The following TXNDC8 variants were observed in gnomAD, a reference collection of about 807,000 sequenced individuals.
TXNDC8 encodes thioredoxin domain-containing protein 8.
Under a neutral mutation model 12.9 loss-of-function variants are expected in TXNDC8, and 15 were observed. The ratio of observed to expected loss-of-function variants is 1.16; its 90% CI spans 0.78 to 1.79. The LOEUF is 1.79. Among genes scored for constraint, TXNDC8 ranks in the 40% most tolerant of loss-of-function variants. The pLI is 0.00. For missense variants in TXNDC8, 128 were observed against 113.2 expected (o/e 1.13, Z -0.59); for synonymous variants, 40 against 35.4 (o/e 1.13, Z -0.46).
intron 3 of TXNDC8, among the ~76,000 whole-genome samples, chr9:110,311,705 T>A (rs1838691409): frequency 7.3e-6 from 1 of 137,348 alleles, no homozygotes; most frequent in African/African-American, 2.8e-5. Flanking sequence ...TACATGGATA[T>A]ACTATATTAC....
chr9:110,330,981 TG>T (rs1839523157), intron 2 of TXNDC8, among the ~76,000 whole-genome samples: 1 of 152,190 alleles, frequency 6.6e-6, no homozygotes, highest in Admixed American at 6.5e-5. Flanking sequence ...TTAGTTTTTG[TG>T]TGTCTGAAAA....
At chr9:110,325,513 C>CT (rs201113003) in intron 3 of TXNDC8, among the ~76,000 whole-genome samples, 4,080 of 117,502 alleles carry the variant, frequency 0.035, 171 homozygotes, top group African/African-American at 0.065. Context: ...CTTGTATACA[C>CT]TTTTTTTTTT....
chr9:110,319,669 G>A (rs1198509421), intron 3 of TXNDC8, among the ~76,000 whole-genome samples: 2 of 152,190 alleles, frequency 1.3e-5, no homozygotes, highest in African/African-American at 4.8e-5. Flanking sequence ...TTATGAAGTT[G>A]AACAGAGAGA....
chr9:110,315,681 A>T (rs1385919372), intron 3 of TXNDC8, among the ~76,000 whole-genome samples: 3 of 143,768 alleles, frequency 2.1e-5, no homozygotes, highest in South Asian at 2.2e-4. Context: ...TAATTTTTGT[A>T]TTTTTTTTTT....
intron 3 of TXNDC8, among the ~76,000 whole-genome samples, chr9:110,309,149 T>C (rs1838566970): frequency 6.6e-6 from 1 of 151,570 alleles, no homozygotes; most frequent in Non-Finnish European, 1.5e-5. Flanking sequence ...TTAATCTTGA[T>C]TTGGCTTGTC....
chr9:110,319,189 T>C (rs1487220143), intron 3 of TXNDC8, among the ~76,000 whole-genome samples: 1 of 152,188 alleles, frequency 6.6e-6, no homozygotes, highest in South Asian at 2.1e-4. Context: ...TTTCTTTTTT[T>C]CCTCATGCAG....
At chr9:110,309,031 T>C (rs1229130304) in intron 3 of TXNDC8, among the ~76,000 whole-genome samples, 1 of 152,150 alleles carries the variant, frequency 6.6e-6, no homozygotes, top group Non-Finnish European at 1.5e-5. Context: ...TTACAGGAAG[T>C]GGTCTTGGCT....
chr9:110,329,440 G>A, intron 2 of TXNDC8, 149 bp from the exon 3 acceptor site: 1 of 634,056 alleles, frequency 1.6e-6, no homozygotes, highest in Admixed American at 3.0e-5. Context: ...ACAGCCTAGA[G>A]CCTGAAGCAT....
intron 3 of TXNDC8, among the ~76,000 whole-genome samples, chr9:110,317,615 A>T (rs1464179752): frequency 6.6e-6 from 1 of 152,224 alleles, no homozygotes; most frequent in African/African-American, 2.4e-5. Flanking sequence ...TGCACAGGTA[A>T]GTTTCTTCTT....
intron 2 of TXNDC8, among the ~76,000 whole-genome samples, chr9:110,331,122 C>A (rs1839528612): frequency 6.6e-6 from 1 of 152,164 alleles, no homozygotes; most frequent in Admixed American, 6.6e-5. Flanking sequence ...GTTCTGGATG[C>A]AAATTTCATT....
intron 1 of TXNDC8, 66 bp downstream of exon 1, chr9:110,337,707 G>A: frequency 6.7e-7 from 1 of 1,500,672 alleles, no homozygotes; most frequent in South Asian, 1.1e-5. Context: ...CATTCTTAAA[G>A]TTTTTCAAAT....
At chr9:110,334,778 G>T (rs1363752593) in intron 1 of TXNDC8, among the ~76,000 whole-genome samples, 1 of 152,154 alleles carries the variant, frequency 6.6e-6, no homozygotes, top group Non-Finnish European at 1.5e-5. Flanking sequence ...TGCTGTTCAG[G>T]GTGGATATCT....
At chr9:110,329,819 C>T (rs551462013) in intron 2 of TXNDC8, among the ~76,000 whole-genome samples, 1 of 152,226 alleles carries the variant, frequency 6.6e-6, no homozygotes, top group South Asian at 2.1e-4. Context: ...CTCCTGTTGC[C>T]GTCTCTCTGT....
intron 2 of TXNDC8, among the ~76,000 whole-genome samples, chr9:110,327,202 A>G (rs1839356940): frequency 6.6e-6 from 1 of 152,226 alleles, no homozygotes; most frequent in Admixed American, 6.5e-5. Context: ...ACAGTTTGCC[A>G]CTTCCTCAGA....
At chr9:110,311,029 G>A (rs985661055) in intron 3 of TXNDC8, among the ~76,000 whole-genome samples, 2 of 152,188 alleles carry the variant, frequency 1.3e-5, no homozygotes, top group Non-Finnish European at 2.9e-5. Context: ...TACCATCTTT[G>A]TTTCAAAGCT....
chr9:110,307,107 T>A (rs1838499126), intron 3 of TXNDC8, among the ~76,000 whole-genome samples: 1 of 151,364 alleles, frequency 6.6e-6, no homozygotes, highest in African/African-American at 2.4e-5. Flanking sequence ...ACACTGGCTT[T>A]TTTTTTTTTT....
At chr9:110,336,152 A>G (rs1285213671) in intron 1 of TXNDC8, among the ~76,000 whole-genome samples, 1 of 152,198 alleles carries the variant, frequency 6.6e-6, no homozygotes, top group Non-Finnish European at 1.5e-5. Context: ...GCCATGTGGA[A>G]CCGTGAGTTC....
intron 3 of TXNDC8, among the ~76,000 whole-genome samples, chr9:110,304,934 G>A (rs1489842305): frequency 6.6e-6 from 1 of 152,080 alleles, no homozygotes; most frequent in African/African-American, 2.4e-5. Flanking sequence ...GGTCACTTGA[G>A]ATCAGGAGTT....
chr9:110,318,214 A>G lies in TXNDC8; in HGVS notation c.195+7961T>C, dbSNP rs574431439. Reference sequence around the variant, plus strand: ...GAGAGAGAGCATTCCTATGTGTCTGACAAGGAAAGACCTCAGAAGTCTCTG... The same window carrying G: ...GAGAGAGAGCATTCCTATGTGTCTGGCAAGGAAAGACCTCAGAAGTCTCTG... On this transcript the variant is annotated intron_variant, in intron 3 of 4. Coordinates refer to ENST00000423740, the MANE Select transcript of TXNDC8 (RefSeq NM_001286946.2). 5.8e-4 allele frequency among the ~76,000 whole-genome samples: 89 copies of G among 152,318 alleles called. 3 individuals are homozygous for G. The South Asian group carries it at 0.018, about 30-fold the overall frequency.
Sources: gnomAD v4.1 joint callset for allele counts (sites outside exome capture counted in the v4.1 genomes callset) on GRCh38, gnomAD v4.1.1 for gene constraint, MANE v1.5 for transcripts, NCBI Gene and HGNC (gene_info 2026-07-23, HGNC 2026-07-21) for gene names.